Variants in CAMTA1 observed in about 807,000 individuals in gnomAD.
CAMTA1 encodes calmodulin binding transcription activator 1.
In CAMTA1, 27 loss-of-function variants were observed where a neutral mutation model predicts 170.9. The ratio of observed to expected loss-of-function variants is 0.16; its 90% CI spans 0.12 to 0.22. The LOEUF (loss-of-function observed/expected upper bound fraction) is 0.22, where lower values mean the gene tolerates loss of function less well. Among genes scored for constraint, CAMTA1 ranks in the 10% least tolerant of loss-of-function variants. The pLI, the probability that CAMTA1 is intolerant of heterozygous loss-of-function variation, is 1.00. For missense variants in CAMTA1, 1,619 were observed against 2,217.2 expected, an observed-to-expected ratio of 0.73 and a Z score of 5.42; for synonymous variants, 833 against 891.5, an observed-to-expected ratio of 0.93 and a Z score of 1.17.
At chr1:7,528,869 C>A (rs1325101822) in intron 6 of CAMTA1, among the ~76,000 whole-genome samples, 1 of 152,200 alleles carries the variant, frequency 6.6e-6, no homozygotes. Context: ...TTATGCTGTA[C>A]TCCATCCTGA....
rs1459812939 is a variant in CAMTA1, at chr1:7,766,620, C to T, written c.*129C>T. On this transcript the variant is annotated 3_prime_UTR_variant, in exon 23 of 23. Transcript: ENST00000303635. Reference sequence around the variant, plus strand: ...ACACACACACACGTACACACACATACAAAATCCCTCTGCAGTTTTGGGGAG... The same window carrying T: ...ACACACACACACGTACACACACATATAAAATCCCTCTGCAGTTTTGGGGAG... The T allele has an allele frequency of 1.3e-6, 1 of 768,120 alleles. No individual in the cohort carries two copies. The highest frequency in any genetic ancestry group is 2.2e-6 in the Non-Finnish European group (1 of 455,346). 47.6% of individuals were successfully genotyped at this position (768,120 alleles called of 1,614,324 possible).
chr1:6,943,179 C>T (rs1686961464), intron 3 of CAMTA1, among the ~76,000 whole-genome samples: 1 of 151,986 alleles, frequency 6.6e-6, no homozygotes, highest in African/African-American at 2.4e-5. Context: ...TCCTCCCCTC[C>T]TCCCCTCCGT....
chr1:7,755,398 G>T (rs1377906097), intron 21 of CAMTA1, among the ~76,000 whole-genome samples: 1 of 149,298 alleles, frequency 6.7e-6, no homozygotes, highest in Non-Finnish European at 1.5e-5. Flanking sequence ...GTAGATAGTA[G>T]CTTCAGGAAT....
At chr1:7,698,135 G>A (rs1416242085) in intron 11 of CAMTA1, among the ~76,000 whole-genome samples, 4 of 146,928 alleles carry the variant, frequency 2.7e-5, no homozygotes, top group Non-Finnish European at 5.9e-5. Context: ...CAACGGATTT[G>A]GATTAAACAG....
Position 7,067,981 on chromosome 1 carries a change from C to T in CAMTA1, c.235-23323C>T, listed in dbSNP as rs1342675365. 2.6e-5 allele frequency among the ~76,000 whole-genome samples: 4 copies of T among 152,168 alleles called. No homozygotes were observed. The highest frequency in any genetic ancestry group is 5.9e-5 in the Non-Finnish European group (4 of 68,042). On this transcript the variant is annotated intron_variant, in intron 3 of 22. Coordinates refer to ENST00000303635, the MANE Select transcript of CAMTA1 (RefSeq NM_015215.4). The surrounding 1 kb of genome is among the most constrained non-coding windows in gnomAD (Gnocchi z 4.3). ...GGAAAATGTGATGGTTATGGGAGGC[C>T]GCTATGGTCACCTTGCAGCCATGTG...
chr1:7,671,100 G>T, intron 10 of CAMTA1, 63 bp downstream of exon 10: 1 of 1,588,962 alleles, frequency 6.3e-7, no homozygotes. Context: ...ACTGGACTCG[G>T]AGTTGGCCTT....
At chr1:7,661,931 C>A in intron 8 of CAMTA1, 65 bp downstream of exon 8, 2 of 1,522,882 alleles carry the variant, frequency 1.3e-6, no homozygotes, top group Non-Finnish European at 1.8e-6. Flanking sequence ...AGGCAGCCGT[C>A]ATGGCTGTCC....
At chr1:6,947,693 C>A (rs1030661819) in intron 3 of CAMTA1, among the ~76,000 whole-genome samples, 1 of 151,916 alleles carries the variant, frequency 6.6e-6, no homozygotes, top group Non-Finnish European at 1.5e-5. Context: ...GTCTTTAATT[C>A]TTTTCAACAA....
At chr1:7,043,867 TC>T (rs955461235) in intron 3 of CAMTA1, among the ~76,000 whole-genome samples, 10 of 152,138 alleles carry the variant, frequency 6.6e-5, no homozygotes, top group African/African-American at 2.4e-4. Context: ...CAGCTCTAAA[TC>T]CCCGAGTTGC....
chr1:6,826,616 C>T (rs193249336), intron 3 of CAMTA1, among the ~76,000 whole-genome samples: 1 of 152,260 alleles, frequency 6.6e-6, no homozygotes, highest in Non-Finnish European at 1.5e-5. Flanking sequence ...TTATTATACA[C>T]GTTAGTTCTA....
intron 5 of CAMTA1, among the ~76,000 whole-genome samples, chr1:7,346,691 T>C (rs951203907): frequency 3.3e-5 from 5 of 152,206 alleles, no homozygotes; most frequent in Non-Finnish European, 7.3e-5. Context: ...CTAAGGGGAC[T>C]GTCATTCTCC....
In CAMTA1 at chr1:7,284,165, CTTCTTCTTCTTCTTATTATTATTATTA is replaced by C. The variant is rs1488597365; in HGVS notation, c.438+34542_438+34568del. Among the ~76,000 whole-genome samples, 63 of 117,956 alleles carry C rather than the reference CTTCTTCTTCTTCTTATTATTATTATTA, an allele frequency of 5.3e-4. 1 individual carries two copies. Among genetic ancestry groups the C allele is most frequent in the African/African-American group, 4.1e-4 (12 of 29,162 alleles). 77.4% of individuals were successfully genotyped at this position (117,956 alleles called of 152,430 possible). A position where few individuals can be genotyped will look rare whatever the true frequency, so the allele number is the denominator to read the frequency against. ...TCTTCTTCTTCTTCTTCTTCTTCTT[CTTCTTCTTCTTCTTATTATTATTATTA>C]TTATTATTATTATTATTATTATTAT... On this transcript the variant is annotated intron_variant, in intron 5 of 22. Coordinates refer to ENST00000303635, the MANE Select transcript of CAMTA1 (RefSeq NM_015215.4).
intron 3 of CAMTA1, among the ~76,000 whole-genome samples, chr1:6,854,735 T>C (rs1168822093): frequency 1.3e-5 from 2 of 152,230 alleles, no homozygotes; most frequent in Non-Finnish European, 2.9e-5. Flanking sequence ...TATAAATCAC[T>C]AAATTAATAG....
At chr1:6,912,585 GAT>G (rs1055838221) in intron 3 of CAMTA1, among the ~76,000 whole-genome samples, 1 of 152,226 alleles carries the variant, frequency 6.6e-6, no homozygotes, top group Non-Finnish European at 1.5e-5. Flanking sequence ...GTTTCCGTTA[GAT>G]AACTGTCTGG....
At chr1:7,704,536 C>G (rs891277708) in intron 11 of CAMTA1, among the ~76,000 whole-genome samples, 1 of 148,156 alleles carries the variant, frequency 6.7e-6, no homozygotes, top group African/African-American at 2.4e-5. Flanking sequence ...CCGTCCAGCG[C>G]GGCTCGGGCG....
At chr1:6,967,727 A>G (rs975814301) in intron 3 of CAMTA1, among the ~76,000 whole-genome samples, 2 of 152,142 alleles carry the variant, frequency 1.3e-5, no homozygotes, top group African/African-American at 2.4e-5. Flanking sequence ...TGTGCATTTC[A>G]TAGATGGTGA....
chr1:6,923,519 C>T (rs1056073606), intron 3 of CAMTA1, among the ~76,000 whole-genome samples: 1 of 152,232 alleles, frequency 6.6e-6, no homozygotes. Context: ...GCCCCTGGCT[C>T]AGTGCCGGCA....
chr1:7,021,262 C>A (rs971446293), intron 3 of CAMTA1, among the ~76,000 whole-genome samples: 5 of 152,146 alleles, frequency 3.3e-5, no homozygotes, highest in Non-Finnish European at 5.9e-5. Flanking sequence ...TGGGGCGGTG[C>A]GATGGAGTAG....
In CAMTA1 at chr1:7,732,246, G is replaced by A. The variant is rs1222500326; in HGVS notation, c.2915-202G>A. ...TTCTGGTCTTTTATCCGAGAACTTC[G>A]GGCTGCTGAAGGTGCCACCATCCTG... is the stretch of plus-strand genomic sequence containing the variant. On this transcript the variant is annotated intron_variant, in intron 11 of 22. Coordinates refer to ENST00000303635, the MANE Select transcript of CAMTA1 (RefSeq NM_015215.4). This position sits in a 1 kb window ranked among gnomAD's most constrained non-coding sequence, Gnocchi z 4.1. Among the ~76,000 whole-genome samples the A allele has an allele frequency of 6.6e-6, 1 of 152,042 alleles. No individual in the cohort carries two copies. The highest frequency in any genetic ancestry group is 1.5e-5 in the Non-Finnish European group (1 of 68,004).
Sources: allele counts gnomAD v4.1 joint callset (sites outside exome capture counted in the v4.1 genomes callset), GRCh38; gene constraint gnomAD v4.1.1; non-coding constraint Gnocchi (gnomAD v3.1); transcripts MANE v1.5; gene names NCBI Gene and HGNC (gene_info 2026-07-23, HGNC 2026-07-21).